SFSWAP: variants seen among roughly 807,000 people sequenced by gnomAD.
SFSWAP encodes the protein splicing factor, suppressor of white-apricot homolog.
SFSWAP carries 17 observed loss-of-function variants against 100.7 expected under a neutral mutation model. The observed-to-expected ratio is 0.17, with a 90% CI of 0.12 to 0.25. SFSWAP has a LOEUF of 0.25. Ranked by LOEUF, SFSWAP falls within the 10% of genes least tolerant of loss-of-function variation. SFSWAP has a pLI of 1.00. For missense variants in SFSWAP, 1,005 were observed against 1,262.6 expected, an observed-to-expected ratio of 0.80 and a Z score of 3.09; for synonymous variants, 504 against 510.1, an observed-to-expected ratio of 0.99 and a Z score of 0.16.
chr12:131,754,425 T>A lies in SFSWAP; in HGVS notation c.1380T>A (p.Ile460=). 1.2e-6 allele frequency: 2 copies of A among 1,601,914 alleles called. No individual in the cohort carries two copies. The highest frequency in any genetic ancestry group is 1.7e-6 in the Non-Finnish European group (2 of 1,175,652). Residue 460 remains isoleucine (I), a synonymous_variant, in exon 9 of 18, where the codon ATT becomes ATA. Transcript: ENST00000261674. Reference sequence around the variant, plus strand: ...CGCCCCCCGACGTCCAGCCCGTGATTGACAAGCTGGCCGAGTATGTCGCCA... The same window carrying A: ...CGCCCCCCGACGTCCAGCCCGTGATAGACAAGCTGGCCGAGTATGTCGCCA... ...IPPPPDVQPV[I]DKLAEYVARN...
intron 6 of SFSWAP, among the ~76,000 whole-genome samples, chr12:131,727,695 T>C (rs1243873462): frequency 6.6e-6 from 1 of 152,190 alleles, no homozygotes; most frequent in Non-Finnish European, 1.5e-5. Flanking sequence ...ATTTTATAGG[T>C]GATCAGAATA....
chr12:131,785,068 C>G, intron 14 of SFSWAP: 1 of 1,532,868 alleles, frequency 6.5e-7, no homozygotes, highest in Non-Finnish European at 8.7e-7. Context: ...GCCTCCGTGT[C>G]ACAGAGTCAC....
In SFSWAP at chr12:131,797,292, G is replaced by GGCCCCCGCT. The variant is rs1396163566; in HGVS notation, c.2653_2654insCCGCTGCCC (p.Pro882_Ala884dup). 42 of 1,611,368 alleles carry GGCCCCCGCT rather than the reference G, an allele frequency of 2.6e-5. No homozygotes were observed. Among genetic ancestry groups the GGCCCCCGCT allele is most frequent in the Non-Finnish European group, 3.5e-5 (41 of 1,179,126 alleles). On this transcript the variant is annotated inframe_insertion, in exon 16 of 18. Transcript: ENST00000261674. ...CAGCGCCCCGGCCCGCGGCCCCCGCGGCCCACTCGGCGCACTCAGCCAGCG... is the reference window on the plus strand; with the variant it reads ...CAGCGCCCCGGCCCGCGGCCCCCGCGGCCCCCGCTGCCCACTCGGCGCACTCAGCCAGCG...
At chr12:131,756,394 T>C in intron 10 of SFSWAP, 79 bp from the exon 11 acceptor site, 1 of 1,327,422 alleles carries the variant, frequency 7.5e-7, no homozygotes, top group Non-Finnish European at 1.1e-6. Flanking sequence ...CAGTGAAACA[T>C]ATACCGTATA....
intron 17 of SFSWAP, 124 bp downstream of exon 17, chr12:131,799,233 T>TA: frequency 9.8e-7 from 1 of 1,019,240 alleles, no homozygotes; most frequent in East Asian, 2.5e-5. Context: ...TCGGGCAAAA[T>TA]ACCACAGGCT....
chr12:131,799,602 T>A lies in SFSWAP; in HGVS notation c.*114T>A. The A allele has an allele frequency of 1.3e-6, 1 of 757,250 alleles. No homozygotes were observed. Among genetic ancestry groups the A allele is most frequent in the Non-Finnish European group, 2.2e-6 (1 of 459,036 alleles). 46.9% of individuals were successfully genotyped at this position (757,250 alleles called of 1,614,324 possible). ...CTCCATGGACCCTTGGTGGCTTTTG[T>A]AAATTAATTTTTGATGACATTTTGA... On this transcript the variant is annotated 3_prime_UTR_variant, in exon 18 of 18. Coordinates refer to ENST00000261674, the MANE Select transcript of SFSWAP (RefSeq NM_004592.4).
chr12:131,772,164 C>T (rs1407367231), intron 13 of SFSWAP, among the ~76,000 whole-genome samples: 2 of 152,188 alleles, frequency 1.3e-5, no homozygotes, highest in African/African-American at 4.8e-5. Context: ...GTTTGAGGAG[C>T]ACGTCACTAT....
chr12:131,776,048 G>C (rs1883998195), intron 13 of SFSWAP, among the ~76,000 whole-genome samples: 1 of 152,172 alleles, frequency 6.6e-6, no homozygotes, highest in South Asian at 2.1e-4. Flanking sequence ...GTTGCGGTGA[G>C]CTGAGATCAC....
At chr12:131,739,471 A>G (rs987999265) in intron 7 of SFSWAP, among the ~76,000 whole-genome samples, 7 of 150,892 alleles carry the variant, frequency 4.6e-5, no homozygotes, top group Admixed American at 3.3e-4. Context: ...TTTAAAGTAT[A>G]GAAATATTAT....
At chr12:131,773,748 T>G (rs371977793) in intron 13 of SFSWAP, among the ~76,000 whole-genome samples, 1 of 152,252 alleles carries the variant, frequency 6.6e-6, no homozygotes, top group Non-Finnish European at 1.5e-5. Flanking sequence ...ATCTCTGCTG[T>G]GTGCTAGGTG....
chr12:131,715,626 A>G (rs370910520), intron 3 of SFSWAP, among the ~76,000 whole-genome samples: 3 of 152,256 alleles, frequency 2.0e-5, no homozygotes, highest in African/African-American at 7.2e-5. Context: ...ACAGCGCTGC[A>G]TCATGGTCAG....
At chr12:131,715,886 G>C (rs1198938986) in intron 3 of SFSWAP, among the ~76,000 whole-genome samples, 1 of 152,118 alleles carries the variant, frequency 6.6e-6, no homozygotes, top group Non-Finnish European at 1.5e-5. Flanking sequence ...TAAAAAAAGA[G>C]ATGGGGTCTC....
intron 7 of SFSWAP, 77 bp downstream of exon 7, chr12:131,728,505 A>C: frequency 6.7e-7 from 1 of 1,490,288 alleles, no homozygotes; most frequent in Non-Finnish European, 9.3e-7. Flanking sequence ...CTAAACCCCA[A>C]GTGTTCTGTC....
At chr12:131,726,756 AG>A (rs1879017698) in intron 5 of SFSWAP, among the ~76,000 whole-genome samples, 183 bp from the exon 6 acceptor site, 2 of 152,236 alleles carry the variant, frequency 1.3e-5, no homozygotes, top group African/African-American at 2.4e-5. Flanking sequence ...AAATGGGCAA[AG>A]GTCGCAATCC....
rs565229295 is a variant in SFSWAP, at chr12:131,716,547, C to G, written c.520+1594C>G. Reference sequence around the variant, plus strand: ...GAAGGAATAGATACTATAGCCACTTCACAAATAAAGAGTTGAAATACAGTC... The same window carrying G: ...GAAGGAATAGATACTATAGCCACTTGACAAATAAAGAGTTGAAATACAGTC... On this transcript the variant is annotated intron_variant, in intron 3 of 17. Coordinates refer to ENST00000261674, the MANE Select transcript of SFSWAP (RefSeq NM_004592.4). 2.6e-5 allele frequency among the ~76,000 whole-genome samples: 4 copies of G among 152,284 alleles called. No homozygotes were observed. The South Asian group carries it at 8.3e-4, about 32-fold the overall frequency.
At position 131,714,961 on chromosome 12, in the gene SFSWAP, G is replaced by C; in HGVS notation, c.520+8G>C. On this transcript the variant is annotated splice_region_variant and intron_variant, in intron 3 of 17. Coordinates refer to ENST00000261674, the MANE Select transcript of SFSWAP (RefSeq NM_004592.4). The surrounding 1 kb of genome is among the most constrained non-coding windows in gnomAD (Gnocchi z 6.0). ...AGCCTTCCAAACAGAGAGGTGAGTG[G>C]GGAGCTGCCTGGACTGCTGGTGTAG... 6.2e-7 allele frequency: 1 copy of C among 1,613,728 alleles called. No individual in the cohort carries two copies. The highest frequency in any genetic ancestry group is 8.5e-7 in the Non-Finnish European group (1 of 1,179,968).
At chr12:131,737,606 CA>C (rs2136202687) in intron 7 of SFSWAP, among the ~76,000 whole-genome samples, 1 of 152,266 alleles carries the variant, frequency 6.6e-6, no homozygotes, top group East Asian at 1.9e-4. Flanking sequence ...TAGAGACTTG[CA>C]TACCCAGTAC....
At chr12:131,720,047 C>T (rs562165179) in intron 4 of SFSWAP, among the ~76,000 whole-genome samples, 1 of 152,274 alleles carries the variant, frequency 6.6e-6, no homozygotes, top group East Asian at 1.9e-4. Flanking sequence ...AAGGGGAATT[C>T]CACCCTGGTT....
rs577490103 is a variant in SFSWAP, at chr12:131,740,294, C to T, written c.1081+11866C>T. 2.6e-4 allele frequency among the ~76,000 whole-genome samples: 39 copies of T among 152,248 alleles called. 1 individual carries two copies. In the South Asian group the frequency reaches 3.5e-3, roughly 14 times the overall value. On this transcript the variant is annotated intron_variant, in intron 7 of 17. Transcript: ENST00000261674. ...ATTTGCAGGGAACGATGCACCGAGT[C>T]GCTTGCCTAGGATTCAGAAGTGGAA... is the stretch of plus-strand genomic sequence containing the variant.
Sources: gnomAD v4.1 joint callset for allele counts (sites outside exome capture counted in the v4.1 genomes callset) on GRCh38, gnomAD v4.1.1 for gene constraint, Gnocchi (gnomAD v3.1) non-coding constraint, MANE v1.5 for transcripts, NCBI Gene and HGNC (gene_info 2026-07-23, HGNC 2026-07-21) for gene names.